The following VPS37A variants were observed in gnomAD, a reference collection of about 807,000 sequenced individuals.
VPS37A encodes the protein VPS37A subunit of ESCRT-I.
A neutral mutation model predicts 49.8 loss-of-function variants in VPS37A; 30 were observed. The ratio of observed to expected loss-of-function variants is 0.60; its 90% CI spans 0.45 to 0.82. The LOEUF (loss-of-function observed/expected upper bound fraction) is 0.82. Ranked by LOEUF, VPS37A falls within the 40% of genes least tolerant of loss-of-function variation. The pLI is 0.00. For missense variants in VPS37A, 593 were observed against 464.4 expected, an observed-to-expected ratio of 1.28 and a Z score of -2.55; for synonymous variants, 195 against 160.6, an observed-to-expected ratio of 1.21 and a Z score of -1.62.
At chr8:17,277,186 TAA>T (rs1292084626) in intron 6 of VPS37A, among the ~76,000 whole-genome samples, 2 of 152,068 alleles carry the variant, frequency 1.3e-5, no homozygotes, top group Non-Finnish European at 2.9e-5. Flanking sequence ...TTCTGTAGTT[TAA>T]AAAGAGTTTA....
Position 17,284,464 on chromosome 8 carries a change from C to A in VPS37A, c.970-9C>A. ...ATAAATTAAAGTAGTGCCTGATTTT[C>A]TTTTTCAGAGCTGTAGTGCAAGTGC... On this transcript the variant is annotated splice_polypyrimidine_tract_variant and intron_variant, in intron 9 of 11. Transcript: ENST00000324849. The A allele has an allele frequency of 6.4e-7, 1 of 1,552,476 alleles. No homozygotes were observed. The highest frequency in any genetic ancestry group is 8.6e-7 in the Non-Finnish European group (1 of 1,160,242).
intron 1 of VPS37A, among the ~76,000 whole-genome samples, chr8:17,253,325 C>A (rs1812146310): frequency 6.6e-6 from 1 of 152,200 alleles, no homozygotes; most frequent in Non-Finnish European, 1.5e-5. Flanking sequence ...CAGCCTTTTT[C>A]CCTCTGCCTT....
the VPS37A span, among the ~76,000 whole-genome samples, chr8:17,314,137 G>A: frequency 6.6e-6 from 1 of 152,072 alleles, no homozygotes; most frequent in Middle Eastern, 3.2e-3. Context: ...TTTATTTAAC[G>A]TAAAGCATTA....
At chr8:17,302,285 A>G, downstream of VPS37A, 1 of 1,612,196 alleles carries the variant, frequency 6.2e-7, no homozygotes, top group Non-Finnish European at 8.5e-7. Context: ...CAAAACCTGG[A>G]AAGGATGGCA....
chr8:17,299,953 C>T (rs1443215058), downstream of VPS37A: 8 of 1,614,150 alleles, frequency 5.0e-6, no homozygotes, highest in Non-Finnish European at 6.8e-6. Flanking sequence ...AGACCGACAG[C>T]TCAAATCCTC....
At chr8:17,318,190 T>C in the VPS37A span, among the ~76,000 whole-genome samples, 10,900 of 152,150 alleles carry the variant, frequency 0.072, 409 homozygotes, top group African/African-American at 0.088. Context: ...CACACATGTT[T>C]GGGATCCGAA....
At chr8:17,272,560 T>C (rs1174585333) in intron 4 of VPS37A, among the ~76,000 whole-genome samples, 1 of 152,178 alleles carries the variant, frequency 6.6e-6, no homozygotes, top group Non-Finnish European at 1.5e-5. Flanking sequence ...TTTCTTAGAT[T>C]ATTTTGTGGG....
At chr8:17,272,177 A>G (rs1022930470) in intron 4 of VPS37A, 4 of 432,502 alleles carry the variant, frequency 9.2e-6, no homozygotes, top group African/African-American at 8.1e-5. Context: ...GCTCCTCCTA[A>G]CAGCCTCTTT....
intron 2 of VPS37A, among the ~76,000 whole-genome samples, chr8:17,266,456 T>C (rs1813464233): frequency 6.6e-6 from 1 of 152,140 alleles, no homozygotes; most frequent in Non-Finnish European, 1.5e-5. Context: ...AAAAGTATAA[T>C]TATGAGGGTT....
chr8:17,288,798 G>A (rs1285651544), intron 11 of VPS37A, among the ~76,000 whole-genome samples: 3 of 152,254 alleles, frequency 2.0e-5, no homozygotes, highest in African/African-American at 7.2e-5. Context: ...CACCACACTG[G>A]TCTTCCATAA....
intron 1 of VPS37A, among the ~76,000 whole-genome samples, chr8:17,261,842 C>G (rs138704526): frequency 2.0e-5 from 3 of 152,254 alleles, no homozygotes; most frequent in African/African-American, 4.8e-5. Flanking sequence ...TGAATAGGCA[C>G]TCTGATTTGG....
At chr8:17,275,262 T>G (rs536774679) in intron 5 of VPS37A, among the ~76,000 whole-genome samples, 1 of 152,302 alleles carries the variant, frequency 6.6e-6, no homozygotes, top group South Asian at 2.1e-4. Context: ...ATTCTGGTTT[T>G]TTTCACCACT....
At chr8:17,278,541 G>T (rs1309700326) in intron 6 of VPS37A, among the ~76,000 whole-genome samples, 1 of 152,050 alleles carries the variant, frequency 6.6e-6, no homozygotes, top group South Asian at 2.1e-4. Context: ...GTTGCCTTCT[G>T]TATCGTTTTT....
At chr8:17,278,120 C>G (rs1586024450) in intron 6 of VPS37A, among the ~76,000 whole-genome samples, 1 of 151,990 alleles carries the variant, frequency 6.6e-6, no homozygotes, top group East Asian at 1.9e-4. Context: ...ATAGTTTATG[C>G]TGCTGGTGGC....
At chr8:17,256,502 C>CT (rs1476154192) in intron 1 of VPS37A, among the ~76,000 whole-genome samples, 1 of 151,594 alleles carries the variant, frequency 6.6e-6, no homozygotes, top group Non-Finnish European at 1.5e-5. Flanking sequence ...TGTTTTTCTG[C>CT]TTTTGAGTTG....
At position 17,287,652 on chromosome 8, in the gene VPS37A, T is replaced by G. The variant is rs1815734810; in HGVS notation, c.*1225T>G. On this transcript the variant is annotated intron_variant, in intron 11 of 11. Transcript: ENST00000324849. ...GAGATCACGCCACTGCACTCCAACC[T>G]GGGTGACAGAGCAAGACTCTGTCTC... is the stretch of plus-strand genomic sequence containing the variant. Among the ~76,000 whole-genome samples, 3 of 151,774 alleles carry G rather than the reference T, an allele frequency of 2.0e-5. 1 individual carries two copies. The South Asian group carries it at 6.2e-4, about 32-fold the overall frequency.
chr8:17,312,562 G>A, the VPS37A span, among the ~76,000 whole-genome samples: 19 of 120,658 alleles, frequency 1.6e-4, no homozygotes, highest in Admixed American at 3.2e-4. Flanking sequence ...GTGACAGAGC[G>A]AGACTCCCTC....
Position 17,297,900 on chromosome 8 carries a change from A to T in VPS37A, c.*2914A>T, listed in dbSNP as rs1027402030. On this transcript the variant is annotated 3_prime_UTR_variant, in exon 12 of 12. Coordinates refer to ENST00000324849, the MANE Select transcript of VPS37A (RefSeq NM_152415.3). ...AAATTATAATGTCTGTCTTGTAAAA[A>T]AGTTGAGGGGACTAAAAGTTTATGA... 7.2e-5 allele frequency: 11 copies of T among 152,074 alleles called. No homozygotes were observed. Among genetic ancestry groups the T allele is most frequent in the African/African-American group, 2.7e-4 (11 of 41,452 alleles). The allele number at this position is 152,074 out of a possible 1,614,324, so 9.4% of individuals were successfully genotyped here.
At chr8:17,323,041 G>A in the VPS37A span, among the ~76,000 whole-genome samples, 2 of 142,276 alleles carry the variant, frequency 1.4e-5, no homozygotes, top group East Asian at 2.3e-4. Flanking sequence ...TCCACCTCCC[G>A]GATTCAAGCA....
Sources: gnomAD v4.1 joint callset for allele counts (sites outside exome capture counted in the v4.1 genomes callset) on GRCh38, gnomAD v4.1.1 for gene constraint, MANE v1.5 for transcripts, NCBI Gene and HGNC (gene_info 2026-07-23, HGNC 2026-07-21) for gene names.